The following CHRM3 variants were observed in gnomAD, a reference collection of about 807,000 sequenced individuals.
CHRM3 encodes cholinergic receptor muscarinic 3, also known as muscarinic acetylcholine receptor M3.
In CHRM3, 11 loss-of-function variants were observed where a neutral mutation model predicts 41.8. That is an observed-to-expected ratio of 0.26 (90% CI 0.17 to 0.44). The LOEUF is 0.44. Ranked by LOEUF, CHRM3 falls within the 20% of genes least tolerant of loss-of-function variation. The pLI is 1.00. For synonymous variants in CHRM3, 297 were observed against 301.4 expected (o/e 0.99, Z 0.15); for missense variants, 571 against 745.4 (o/e 0.77, Z 2.72).
rs561482473 is a variant in CHRM3 at position 239,823,770 on chromosome 1, T to G, written c.-146-3482T>G. Reference sequence around the variant, plus strand: ...AACTCAATAGAACAGAAGACCCTTTTGTGGTGTCTTTTTTAAGTAAAATGA... The same window carrying G: ...AACTCAATAGAACAGAAGACCCTTTGGTGGTGTCTTTTTTAAGTAAAATGA... On this transcript the variant is annotated intron_variant, in intron 5 of 6. Transcript: ENST00000676153. Among the ~76,000 whole-genome samples the G allele has an allele frequency of 3.3e-5, 5 of 152,198 alleles. No individual in the cohort carries two copies. In the East Asian group the frequency reaches 9.7e-4, roughly 30 times the overall value.
chr1:239,399,917 T>C (rs955724810), intron 1 of CHRM3, among the ~76,000 whole-genome samples: 4 of 152,096 alleles, frequency 2.6e-5, no homozygotes, highest in African/African-American at 4.8e-5. Context: ...ATTTTTATTT[T>C]ATTTTACTTT....
At chr1:239,528,632 C>T (rs530436338) in intron 2 of CHRM3, among the ~76,000 whole-genome samples, 3 of 152,310 alleles carry the variant, frequency 2.0e-5, no homozygotes, top group South Asian at 2.1e-4. Context: ...GTGGTTCATG[C>T]CTGTAATCCC....
chr1:239,710,442 C>T (rs1661656344), intron 5 of CHRM3, among the ~76,000 whole-genome samples: 1 of 151,980 alleles, frequency 6.6e-6, no homozygotes, highest in Non-Finnish European at 1.5e-5. Flanking sequence ...ACCTGACAAC[C>T]TAAATGATGA....
chr1:239,400,356 C>T (rs1395568739), intron 1 of CHRM3, among the ~76,000 whole-genome samples: 1 of 151,866 alleles, frequency 6.6e-6, no homozygotes, highest in Non-Finnish European at 1.5e-5. Flanking sequence ...GTTATTAATC[C>T]CTTGTCAGAT....
At chr1:239,755,366 A>T (rs1356060077) in intron 5 of CHRM3, among the ~76,000 whole-genome samples, 1 of 152,226 alleles carries the variant, frequency 6.6e-6, no homozygotes, top group East Asian at 1.9e-4. Flanking sequence ...AACCTCAAAT[A>T]TCTAGGGCAT....
chr1:239,512,799 G>C (rs1669008524), intron 2 of CHRM3, among the ~76,000 whole-genome samples: 1 of 149,744 alleles, frequency 6.7e-6, no homozygotes, highest in African/African-American at 2.4e-5. Context: ...AGTTTTAAGG[G>C]TTACCCTCTT....
intron 3 of CHRM3, among the ~76,000 whole-genome samples, chr1:239,555,376 C>T (rs941536380): frequency 6.6e-6 from 1 of 152,146 alleles, no homozygotes; most frequent in Non-Finnish European, 1.5e-5. Context: ...GATTCATAAA[C>T]ATTACCGTAT....
intron 6 of CHRM3, among the ~76,000 whole-genome samples, chr1:239,849,160 A>G (rs1258469094): frequency 6.6e-6 from 1 of 152,150 alleles, no homozygotes; most frequent in Non-Finnish European, 1.5e-5. Flanking sequence ...CCCTATGTAT[A>G]CTCTAGTTAT....
chr1:239,533,929 C>T (rs1657934567), intron 2 of CHRM3, among the ~76,000 whole-genome samples: 1 of 152,028 alleles, frequency 6.6e-6, no homozygotes. Context: ...CCAAACCCTA[C>T]CACACCTCTC....
chr1:239,875,928 C>G (rs1248405903), intron 6 of CHRM3, among the ~76,000 whole-genome samples: 4 of 152,208 alleles, frequency 2.6e-5, no homozygotes, highest in Non-Finnish European at 2.9e-5. Context: ...CAGCTTCCCC[C>G]CTTAAAGGTA....
chr1:239,665,560 G>A (rs114147446), intron 4 of CHRM3, among the ~76,000 whole-genome samples: 3,478 of 152,034 alleles, frequency 0.023, 139 homozygotes, highest in African/African-American at 0.08. Flanking sequence ...TGGCGTACAC[G>A]TGCAGAACTT....
intron 1 of CHRM3, among the ~76,000 whole-genome samples, chr1:239,390,253 G>A (rs1013322820): frequency 4.6e-5 from 7 of 152,094 alleles, no homozygotes; most frequent in Admixed American, 4.6e-4. Flanking sequence ...TTAATATAGT[G>A]TTTTCCTAGA....
chr1:239,787,808 GTAAAGT>G (rs1669028390), intron 5 of CHRM3, among the ~76,000 whole-genome samples: 1 of 152,108 alleles, frequency 6.6e-6, no homozygotes, highest in Non-Finnish European at 1.5e-5. Flanking sequence ...TTTCTAATAT[GTAAAGT>G]TAATTTTATT....
At chr1:239,586,941 A>G (rs931635434) in intron 3 of CHRM3, among the ~76,000 whole-genome samples, 1 of 152,202 alleles carries the variant, frequency 6.6e-6, no homozygotes, top group African/African-American at 2.4e-5. Context: ...ATCTCCCAAA[A>G]TACAGGTCTT....
At chr1:239,888,597 CAA>C (rs34779972) in intron 6 of CHRM3, among the ~76,000 whole-genome samples, 127 of 99,322 alleles carry the variant, frequency 1.3e-3, no homozygotes, top group South Asian at 1.8e-3. Context: ...GACCCTGTCT[CAA>C]AAAAAAAAAA....
rs1351752848 is a variant in CHRM3, at chr1:239,746,353, C to T, written c.-147+68065C>T. 3.9e-5 allele frequency among the ~76,000 whole-genome samples: 6 copies of T among 152,156 alleles called. No homozygotes were observed. The South Asian group carries it at 1.2e-3, about 32-fold the overall frequency. ...GAGTTTTCATTTAATTTTTAAAACTCTGTGATACAGGTGTAATGTGACAAG... is the reference window on the plus strand; with the variant it reads ...GAGTTTTCATTTAATTTTTAAAACTTTGTGATACAGGTGTAATGTGACAAG... On this transcript the variant is annotated intron_variant, in intron 5 of 6. Coordinates refer to ENST00000676153, the MANE Select transcript of CHRM3 (RefSeq NM_001375978.1).
intron 5 of CHRM3, among the ~76,000 whole-genome samples, chr1:239,740,887 A>G (rs1458221314): frequency 6.6e-6 from 1 of 152,178 alleles, no homozygotes; most frequent in African/African-American, 2.4e-5. Flanking sequence ...ATAAACATGC[A>G]CTGAGGTGAG....
chr1:239,568,127 T>C (rs1055841168), intron 3 of CHRM3, among the ~76,000 whole-genome samples: 8 of 152,134 alleles, frequency 5.3e-5, no homozygotes, highest in Admixed American at 5.2e-4. Flanking sequence ...TTCAGTTTCA[T>C]ATGGTGGCTA....
chr1:239,897,552 T>C (rs1679114079), intron 6 of CHRM3, among the ~76,000 whole-genome samples: 1 of 152,164 alleles, frequency 6.6e-6, no homozygotes, highest in African/African-American at 2.4e-5. Flanking sequence ...TAAAAACACA[T>C]AATAATAAAT....
Sources: allele counts gnomAD v4.1 joint callset (sites outside exome capture counted in the v4.1 genomes callset), GRCh38; gene constraint gnomAD v4.1.1; transcripts MANE v1.5; gene names NCBI Gene and HGNC (gene_info 2026-07-23, HGNC 2026-07-21).